The following TSC22D1 variants were observed in gnomAD, a reference collection of about 807,000 sequenced individuals.
TSC22D1 encodes TSC22 domain family protein 1.
Under a neutral mutation model 74.2 loss-of-function variants are expected in TSC22D1, and 9 were observed. That is an observed-to-expected ratio of 0.12 (90% CI 0.07 to 0.21). The LOEUF (loss-of-function observed/expected upper bound fraction) is 0.21, where lower values mean the gene tolerates loss of function less well. Among genes scored for constraint, TSC22D1 ranks in the 10% least tolerant of loss-of-function variants. The pLI, the probability that TSC22D1 is intolerant of heterozygous loss-of-function variation, is 1.00. For synonymous variants in TSC22D1, 586 were observed against 492.5 expected, an observed-to-expected ratio of 1.19 and a Z score of -2.51; for missense variants, 1,427 against 1,304.7, an observed-to-expected ratio of 1.09 and a Z score of -1.44.
intron 1 of TSC22D1, among the ~76,000 whole-genome samples, chr13:44,531,769 T>G (rs1324948483): frequency 6.6e-6 from 1 of 152,172 alleles, no homozygotes; most frequent in Non-Finnish European, 1.5e-5. Flanking sequence ...AAATGGTAAT[T>G]AAAAGCACTA....
intron 1 of TSC22D1, among the ~76,000 whole-genome samples, chr13:44,523,159 T>G (rs1378706130): frequency 6.6e-6 from 1 of 152,060 alleles, no homozygotes; most frequent in African/African-American, 2.4e-5. Context: ...CAAATGCTGC[T>G]AAGAATGCAG....
At chr13:44,447,400 C>A (rs1875767452) in intron 1 of TSC22D1, among the ~76,000 whole-genome samples, 1 of 152,064 alleles carries the variant, frequency 6.6e-6, no homozygotes. Context: ...CCTAAAAATG[C>A]CTATTTTATA....
intron 1 of TSC22D1, among the ~76,000 whole-genome samples, chr13:44,518,258 C>T (rs1444279915): frequency 6.6e-6 from 1 of 151,990 alleles, no homozygotes; most frequent in African/African-American, 2.4e-5. Context: ...TGCTATGCTG[C>T]TGCAAAATAG....
rs983987034 is a variant in TSC22D1, at chr13:44,573,841, G to T, written c.2234C>A (p.Pro745His). The T allele has an allele frequency of 9.3e-6, 15 of 1,614,176 alleles. No individual in the cohort carries two copies. Among genetic ancestry groups the T allele is most frequent in the Non-Finnish European group, 1.1e-5 (13 of 1,180,034 alleles). ...AACTGAAGGTGGAACCTGGGTAGAG[G>T]GCTGCTGCACTGCAGTAGGTATGTT... ...QANIPTAVQQ[P>H]STQVPPSVIQ... The change falls in exon 1 of 3, where the codon CCC becomes CAC. Residue 745 changes from proline (P) to histidine (H), a missense_variant. Physicochemically the swap from Pro to His is moderately conservative, Grantham distance 77. Transcript: ENST00000458659.
chr13:44,536,926 GAAAAAAAA>G lies in TSC22D1; in HGVS notation c.2912+36229_2912+36236del, dbSNP rs10596156. The G allele has an allele frequency of 3.6e-4, 177 of 495,210 alleles. 3 individuals are homozygous for G. In the East Asian group the frequency reaches 7.3e-3, roughly 20 times the overall value. The allele number at this position is 495,210 out of a possible 1,614,324, so 30.7% of individuals were successfully genotyped here. ...TAACAGTTCAAAAAAGTATTTTTCT[GAAAAAAAA>G]AAAAAAAAAAAAAAAAAAAAAAAAA... is the stretch of plus-strand genomic sequence containing the variant. On this transcript the variant is annotated intron_variant, in intron 1 of 2. Transcript: ENST00000458659.
intron 1 of TSC22D1, among the ~76,000 whole-genome samples, chr13:44,547,294 C>A (rs1881888251): frequency 6.6e-6 from 1 of 152,024 alleles, no homozygotes; most frequent in Non-Finnish European, 1.5e-5. Context: ...ATGTTCTGTA[C>A]TAATATCAGA....
At chr13:44,524,233 T>C (rs1359351671) in intron 1 of TSC22D1, among the ~76,000 whole-genome samples, 1 of 152,130 alleles carries the variant, frequency 6.6e-6, no homozygotes. Context: ...ACTTCCAGTT[T>C]TGAGTTCAAC....
At chr13:44,442,391 A>AT (rs1301299825) in intron 1 of TSC22D1, among the ~76,000 whole-genome samples, 1 of 152,212 alleles carries the variant, frequency 6.6e-6, no homozygotes, top group African/African-American at 2.4e-5. Context: ...AAAAACAGTT[A>AT]TAACTATATT....
At chr13:44,552,051 C>T (rs959778341) in intron 1 of TSC22D1, among the ~76,000 whole-genome samples, 5 of 152,188 alleles carry the variant, frequency 3.3e-5, no homozygotes, top group African/African-American at 1.2e-4. Context: ...TAGCTGTTAT[C>T]CCCACATGAA....
chr13:44,497,368 T>C (rs1879023920), intron 1 of TSC22D1, among the ~76,000 whole-genome samples: 1 of 152,186 alleles, frequency 6.6e-6, no homozygotes, highest in Admixed American at 6.5e-5. Context: ...AGCATATTGG[T>C]GGGTGCCAAG....
chr13:44,478,383 T>C (rs867592346), intron 1 of TSC22D1, among the ~76,000 whole-genome samples: 7 of 152,188 alleles, frequency 4.6e-5, no homozygotes, highest in South Asian at 2.1e-4. Context: ...TGTTTTACCA[T>C]TTTATAGGCA....
chr13:44,530,007 C>T (rs954450241), intron 1 of TSC22D1, among the ~76,000 whole-genome samples: 4 of 152,092 alleles, frequency 2.6e-5, no homozygotes, highest in Non-Finnish European at 5.9e-5. Flanking sequence ...CCAACTTGAT[C>T]TTTAGATTCA....
chr13:44,434,401 T>C lies in TSC22D1; in HGVS notation c.*225A>G. On this transcript the variant is annotated 3_prime_UTR_variant, in exon 3 of 3. Transcript: ENST00000458659. ...GCTGCATGAGGTCCCGGTATATCCATGCTAATTCTCGGATTAACCTTTAAT... is the reference window on the plus strand; with the variant it reads ...GCTGCATGAGGTCCCGGTATATCCACGCTAATTCTCGGATTAACCTTTAAT... 2.9e-6 allele frequency: 4 copies of C among 1,366,058 alleles called. No homozygotes were observed. The highest frequency in any genetic ancestry group is 2.0e-5 in the South Asian group (1 of 50,210). The allele number at this position is 1,366,058 out of a possible 1,614,324, so 84.6% of individuals were successfully genotyped here. A position where few individuals can be genotyped will look rare whatever the true frequency, so the allele number is the denominator to read the frequency against.
At chr13:44,519,069 T>C (rs1482748382) in intron 1 of TSC22D1, among the ~76,000 whole-genome samples, 1 of 152,198 alleles carries the variant, frequency 6.6e-6, no homozygotes, top group Admixed American at 6.5e-5. Flanking sequence ...ATTTTTTTTC[T>C]TCAATAGCAT....
intron 1 of TSC22D1, chr13:44,437,045 G>T (rs1174290031): frequency 1.0e-6 from 1 of 979,362 alleles, no homozygotes; most frequent in Non-Finnish European, 1.2e-6. Context: ...CCTGGCGCGG[G>T]CCGTGCTCAG....
chr13:44,559,442 G>A (rs1413323110), intron 1 of TSC22D1, among the ~76,000 whole-genome samples: 1 of 152,130 alleles, frequency 6.6e-6, no homozygotes, highest in East Asian at 1.9e-4. Context: ...ACATGGGAGT[G>A]TATTTCCTCA....
At position 44,435,189 on chromosome 13, in the gene TSC22D1, G is replaced by C. The variant is rs538429244; in HGVS notation, c.2965-306C>G. 2,417 of 261,130 alleles carry C rather than the reference G, an allele frequency of 9.3e-3. 69 individuals are homozygous for C. The highest frequency in any genetic ancestry group is 0.051 in the African/African-American group (2,280 of 44,960). The allele number at this position is 261,130 out of a possible 1,614,324, so 16.2% of individuals were successfully genotyped here. On this transcript the variant is annotated intron_variant, in intron 2 of 2. Transcript: ENST00000458659. ...TGGGTCCCCGACTGAGACCAGCAGC[G>C]GGGACGTCCAAGCCACAGCGCGCCC... is the stretch of plus-strand genomic sequence containing the variant.
At chr13:44,510,716 C>T (rs1214954987) in intron 1 of TSC22D1, among the ~76,000 whole-genome samples, 1 of 152,084 alleles carries the variant, frequency 6.6e-6, no homozygotes, top group Non-Finnish European at 1.5e-5. Context: ...CCTCAGCCTC[C>T]TGAGTAGCTG....
In TSC22D1 at chr13:44,528,194, G is replaced by C. The variant is rs151149028; in HGVS notation, c.2912+44969C>G. ...ACTAAACAGCACCATCAATCAACAG[G>C]ATCTAATTGACATCTATAGGCTACT... On this transcript the variant is annotated intron_variant, in intron 1 of 2. Transcript: ENST00000458659. Among the ~76,000 whole-genome samples, 741 of 152,082 alleles carry C rather than the reference G, an allele frequency of 4.9e-3. 7 individuals are homozygous for C. Among genetic ancestry groups the C allele is most frequent in the South Asian group, 0.018 (86 of 4,818 alleles).
Sources: gnomAD v4.1 joint callset for allele counts (sites outside exome capture counted in the v4.1 genomes callset) on GRCh38, gnomAD v4.1.1 for gene constraint, MANE v1.5 for transcripts, NCBI Gene and HGNC (gene_info 2026-07-23, HGNC 2026-07-21) for gene names.